The following OPRM1 variants were observed in gnomAD, a reference collection of about 807,000 sequenced individuals.
The protein encoded by OPRM1 is opioid receptor mu 1.
OPRM1 carries 27 observed loss-of-function variants against 31.8 expected under a neutral mutation model. That is an observed-to-expected ratio of 0.85 (90% CI 0.63 to 1.17). The LOEUF (loss-of-function observed/expected upper bound fraction) is 1.17. Ranked by LOEUF, OPRM1 falls within the 50% of genes most tolerant of loss-of-function variation. OPRM1 has a pLI of 0.00. For missense variants in OPRM1, 536 were observed against 511.1 expected, an observed-to-expected ratio of 1.05 and a Z score of -0.47; for synonymous variants, 196 against 189.9, an observed-to-expected ratio of 1.03 and a Z score of -0.26.
chr6:154,194,474 G>A lies in OPRM1; in HGVS notation c.1165-52219G>A, dbSNP rs2128585081. Among the ~76,000 whole-genome samples, 2 of 152,136 alleles carry A rather than the reference G, an allele frequency of 1.3e-5. 1 individual carries two copies. The highest frequency in any genetic ancestry group is 4.2e-4 in the South Asian group (2 of 4,812). On this transcript the variant is annotated intron_variant, in intron 3 of 3. Transcript: ENST00000337049. ...ATTCCTCTTACCTTATTCACATTCTGTCTCTTCTGAACCTACTACCTTCCT... is the reference window on the plus strand; with the variant it reads ...ATTCCTCTTACCTTATTCACATTCTATCTCTTCTGAACCTACTACCTTCCT...
chr6:154,027,108 T>G (rs7776131), intron 1 of OPRM1, among the ~76,000 whole-genome samples: 13,514 of 152,230 alleles, frequency 0.089, 1,072 homozygotes, highest in African/African-American at 0.21. Context: ...TCTTGGGAAG[T>G]CTTTCCAGAT....
chr6:154,238,159 T>G (rs1780288126), intron 3 of OPRM1, among the ~76,000 whole-genome samples: 1 of 152,224 alleles, frequency 6.6e-6, no homozygotes. Flanking sequence ...CAGCATCATG[T>G]ATGATATTAT....
At chr6:154,100,194 A>C (rs866418854) in intron 3 of OPRM1, among the ~76,000 whole-genome samples, 1 of 128,808 alleles carries the variant, frequency 7.8e-6, no homozygotes, top group Admixed American at 8.5e-5. Context: ...ATGACATATC[A>C]TAATATATAT....
downstream of OPRM1, among the ~76,000 whole-genome samples, chr6:154,137,041 C>T (rs73790441): frequency 0.052 from 7,920 of 152,188 alleles, 681 homozygotes; most frequent in African/African-American, 0.18. Context: ...TTAATCTTCA[C>T]GACAACCTTA....
intron 3 of OPRM1, chr6:154,107,874 A>G: frequency 2.9e-6 from 2 of 683,824 alleles, no homozygotes; most frequent in Non-Finnish European, 5.4e-6. Context: ...CTCATAACAC[A>G]AAATACACCA....
chr6:154,056,767 A>G (rs1469112012), intron 1 of OPRM1, among the ~76,000 whole-genome samples: 1 of 152,070 alleles, frequency 6.6e-6, no homozygotes, highest in Non-Finnish European at 1.5e-5. Context: ...TTAAATGTTA[A>G]TTGAAAAACG....
At chr6:154,151,981 C>A (rs963291621) in intron 3 of OPRM1, among the ~76,000 whole-genome samples, 31 of 151,836 alleles carry the variant, frequency 2.0e-4, no homozygotes, top group Non-Finnish European at 1.0e-4. Flanking sequence ...TTAAGACCAG[C>A]CTGGGCAACA....
intron 3 of OPRM1, among the ~76,000 whole-genome samples, chr6:154,195,292 C>T (rs1190292214): frequency 3.3e-5 from 5 of 151,844 alleles, no homozygotes; most frequent in South Asian, 2.1e-4. Flanking sequence ...GGACTACAGG[C>T]GCCCGCCACC....
intron 1 of OPRM1, among the ~76,000 whole-genome samples, chr6:154,048,544 G>T (rs902887697): frequency 6.6e-6 from 1 of 152,124 alleles, no homozygotes; most frequent in Non-Finnish European, 1.5e-5. Flanking sequence ...TTTGTGTTTA[G>T]GTGAGAAATC....
intron 1 of OPRM1, among the ~76,000 whole-genome samples, chr6:154,065,467 G>A (rs894162314): frequency 3.3e-5 from 5 of 151,966 alleles, no homozygotes; most frequent in African/African-American, 7.2e-5. Context: ...TGTAGATTTT[G>A]TACACATCTT....
intron 3 of OPRM1, among the ~76,000 whole-genome samples, chr6:154,177,528 A>C (rs933008622): frequency 2.0e-5 from 3 of 152,274 alleles, no homozygotes; most frequent in Admixed American, 1.3e-4. Context: ...GCCAACAGAC[A>C]TATGAAAAAA....
chr6:154,163,811 T>C (rs1016404192), intron 3 of OPRM1, among the ~76,000 whole-genome samples: 1 of 152,214 alleles, frequency 6.6e-6, no homozygotes, highest in African/African-American at 2.4e-5. Flanking sequence ...CATAGATTCA[T>C]AGATCAATAG....
downstream of OPRM1, among the ~76,000 whole-genome samples, chr6:154,137,356 C>A (rs1798085347): frequency 6.6e-6 from 1 of 152,106 alleles, no homozygotes; most frequent in South Asian, 2.1e-4. Context: ...AATATACTTG[C>A]TTTCTGTGGC....
chr6:154,205,608 TAC>T (rs909867993), intron 3 of OPRM1, among the ~76,000 whole-genome samples: 16 of 152,112 alleles, frequency 1.1e-4, no homozygotes, highest in Non-Finnish European at 1.5e-4. Context: ...AATAAAAACA[TAC>T]ACACACAAAG....
chr6:154,221,532 C>T (rs560305235), intron 3 of OPRM1, among the ~76,000 whole-genome samples: 6 of 152,302 alleles, frequency 3.9e-5, no homozygotes, highest in South Asian at 2.1e-4. Context: ...TATGTCAGAA[C>T]GTCCAGAACA....
In OPRM1 at chr6:154,226,823, C is replaced by A. The variant is rs77330064; in HGVS notation, c.1165-19870C>A. 1.1e-3 allele frequency among the ~76,000 whole-genome samples: 172 copies of A among 152,238 alleles called. 1 individual carries two copies. Among genetic ancestry groups the A allele is most frequent in the African/African-American group, 3.9e-3 (163 of 41,552 alleles). On this transcript the variant is annotated intron_variant, in intron 3 of 3. Coordinates refer to the OPRM1 transcript ENST00000337049. ...GGATGAAAGACCCTTTATAATCAAG[C>A]CCTGATTAGTTCCACAATTTCATCT... is the stretch of plus-strand genomic sequence containing the variant.
At chr6:154,041,563 G>A (rs1780066388) in intron 1 of OPRM1, among the ~76,000 whole-genome samples, 1 of 152,010 alleles carries the variant, frequency 6.6e-6, no homozygotes, top group Non-Finnish European at 1.5e-5. Flanking sequence ...CACAGAAAAT[G>A]TAAATTATTT....
rs369507547 is a variant in OPRM1, at chr6:154,122,954, C to T, written c.*4233C>T. ...TGGTCTCATTGTCTAAGGTGTTATCCGAGCTCGTTGTCTCACAACCAAGAA... is the reference window on the plus strand; with the variant it reads ...TGGTCTCATTGTCTAAGGTGTTATCTGAGCTCGTTGTCTCACAACCAAGAA... On this transcript the variant is annotated 3_prime_UTR_variant, in exon 4 of 4. Transcript: ENST00000330432. Among the ~76,000 whole-genome samples, 10 of 152,158 alleles carry T rather than the reference C, an allele frequency of 6.6e-5. No individual in the cohort carries two copies. The highest frequency in any genetic ancestry group is 3.9e-4 in the East Asian group (2 of 5,186).
intron 3 of OPRM1, among the ~76,000 whole-genome samples, chr6:154,175,541 C>T (rs1800246571): frequency 6.6e-6 from 1 of 152,068 alleles, no homozygotes; most frequent in Non-Finnish European, 1.5e-5. Flanking sequence ...ATACTATAAA[C>T]ACCTCTACAC....
Sources: gnomAD v4.1 joint callset for allele counts (sites outside exome capture counted in the v4.1 genomes callset) on GRCh38, gnomAD v4.1.1 for gene constraint, MANE v1.5 for transcripts, NCBI Gene and HGNC (gene_info 2026-07-23, HGNC 2026-07-21) for gene names.